UNC79: variants seen among roughly 807,000 people sequenced by gnomAD.
UNC79 encodes the protein unc-79 subunit of NALCN channel complex, also known as protein unc-79 homolog.
UNC79 carries 37 observed loss-of-function variants against 283.1 expected under a neutral mutation model. The ratio of observed to expected loss-of-function variants is 0.13; its 90% CI spans 0.10 to 0.17. The LOEUF is 0.17. Ranked by LOEUF, UNC79 falls within the 10% of genes least tolerant of loss-of-function variation. The probability of loss-of-function intolerance (pLI) is 1.00; values close to 1 mark genes in which losing one functional copy is unlikely to be tolerated. For synonymous variants in UNC79, 1,107 were observed against 1,200.2 expected, an observed-to-expected ratio of 0.92 and a Z score of 1.61; for missense variants, 2,272 against 3,211.1, an observed-to-expected ratio of 0.71 and a Z score of 7.07.
At chr14:93,555,332 A>C (rs543669884) in intron 14 of UNC79, among the ~76,000 whole-genome samples, 1 of 152,334 alleles carries the variant, frequency 6.6e-6, no homozygotes, top group African/African-American at 2.4e-5. Context: ...ACATATAAAT[A>C]CACAGACAGA....
At chr14:93,400,988 C>T (rs2055096740) in intron 1 of UNC79, among the ~76,000 whole-genome samples, 1 of 151,936 alleles carries the variant, frequency 6.6e-6, no homozygotes, top group African/African-American at 2.4e-5. Context: ...GAGAATGATA[C>T]CTTCATTATG....
exon 30 of UNC79, chr14:93,622,197 G>A (rs777617961): frequency 2.5e-6 from 4 of 1,614,144 alleles, no homozygotes; most frequent in Non-Finnish European, 2.5e-6. Flanking sequence ...ATGAACCAAG[G>A]CGATGACGGC....
intron 30 of UNC79, among the ~76,000 whole-genome samples, chr14:93,626,923 C>CTTGTAGTG: frequency 6.6e-6 from 1 of 152,118 alleles, no homozygotes; most frequent in South Asian, 2.1e-4. Context: ...GTGGCACACA[C>CTTGTAGTG]CTGTAGTCCC....
intron 26 of UNC79, among the ~76,000 whole-genome samples, chr14:93,611,712 G>A (rs1236185741): frequency 6.6e-6 from 1 of 152,084 alleles, no homozygotes; most frequent in Non-Finnish European, 1.5e-5. Context: ...GTTTATAATG[G>A]TTTGTAACCA....
rs139094325 is a variant in UNC79, at chr14:93,533,448, C to T, written c.1122+870C>T. Among the ~76,000 whole-genome samples the T allele has an allele frequency of 3.3e-5, 5 of 152,306 alleles. No homozygotes were observed. In the East Asian group the frequency reaches 9.6e-4, roughly 29 times the overall value. On this transcript the variant is annotated intron_variant, in intron 11 of 48. Coordinates refer to ENST00000555664, the Ensembl canonical transcript of UNC79. ...CTTTTGATAAATTACTCTAGGCTCA[C>T]TCATGTATTTGCAGTCAGTTGGTGG...
intron 45 of UNC79, chr14:93,691,510 T>G: frequency 1.7e-6 from 1 of 578,270 alleles, no homozygotes; most frequent in Non-Finnish European, 3.1e-6. Context: ...CTTCAGCAAA[T>G]TAAGGTGCCT....
At chr14:93,417,357 T>C (rs1015785276) in intron 1 of UNC79, among the ~76,000 whole-genome samples, 65 of 152,356 alleles carry the variant, frequency 4.3e-4, no homozygotes, top group Admixed American at 1.0e-3. Flanking sequence ...GCCCCAACTC[T>C]CTTCTGGCTT....
intron 1 of UNC79, among the ~76,000 whole-genome samples, chr14:93,375,440 A>G (rs1257413057): frequency 6.6e-6 from 1 of 152,230 alleles, no homozygotes; most frequent in Admixed American, 6.5e-5. Flanking sequence ...GTATGGATTA[A>G]TCCACCCATG....
At chr14:93,539,104 T>A (rs1156434269) in intron 12 of UNC79, among the ~76,000 whole-genome samples, 9 of 148,774 alleles carry the variant, frequency 6.0e-5, no homozygotes, top group Non-Finnish European at 1.2e-4. Flanking sequence ...GGTTTCACCA[T>A]GCTGGCCAGG....
intron 16 of UNC79, among the ~76,000 whole-genome samples, chr14:93,573,891 G>C (rs1423649370): frequency 6.6e-6 from 1 of 152,174 alleles, no homozygotes; most frequent in African/African-American, 2.4e-5. Context: ...TGTAGTCCCA[G>C]CTACTTGGGA....
At chr14:93,569,511 T>A (rs528527163) in intron 14 of UNC79, among the ~76,000 whole-genome samples, 2 of 152,314 alleles carry the variant, frequency 1.3e-5, no homozygotes, top group South Asian at 4.1e-4. Flanking sequence ...GGTAGAAGAT[T>A]TACATCTGAA....
chr14:93,564,768 T>TG (rs369517052), intron 14 of UNC79, among the ~76,000 whole-genome samples: 42,158 of 150,326 alleles, frequency 0.28, 7,278 homozygotes, highest in Non-Finnish European at 0.38. Flanking sequence ...CTGGCAGGGG[T>TG]GGGGGTCACA....
At chr14:93,577,870 G>A (rs775776907) in exon 18 of UNC79, 9 of 1,614,070 alleles carry the variant, frequency 5.6e-6, no homozygotes, top group African/African-American at 2.7e-5. Context: ...CCTGGCCGAC[G>A]AGTTCAGCAC....
chr14:93,631,720 A>C (rs1478589111), intron 31 of UNC79, among the ~76,000 whole-genome samples: 2 of 152,188 alleles, frequency 1.3e-5, no homozygotes, highest in African/African-American at 2.4e-5. Flanking sequence ...AAAACAGATA[A>C]AGATCTTAAA....
chr14:93,567,717 T>C lies in UNC79; in HGVS notation c.1756-4177T>C, dbSNP rs540029921. 2.0e-5 allele frequency among the ~76,000 whole-genome samples: 3 copies of C among 152,356 alleles called. No individual in the cohort carries two copies. In the East Asian group the frequency reaches 5.8e-4, roughly 29 times the overall value. Reference sequence around the variant, plus strand: ...TTTCTTTTATCAGTAGAATGACTACTTTCTTTTGTGAACCCCGAATATCTG... The same window carrying C: ...TTTCTTTTATCAGTAGAATGACTACCTTCTTTTGTGAACCCCGAATATCTG... On this transcript the variant is annotated intron_variant, in intron 14 of 48. Coordinates refer to ENST00000555664, the Ensembl canonical transcript of UNC79.
At chr14:93,495,419 C>A (rs768436889) in intron 5 of UNC79, among the ~76,000 whole-genome samples, 1 of 152,132 alleles carries the variant, frequency 6.6e-6, no homozygotes, top group Non-Finnish European at 1.5e-5. Context: ...ACTGCCCCCA[C>A]GATCCAATCA....
At chr14:93,586,475 C>A in intron 20 of UNC79, 121 bp from the exon 21 acceptor site, 1 of 823,612 alleles carries the variant, frequency 1.2e-6, no homozygotes, top group Non-Finnish European at 1.9e-6. Context: ...AAAGTTTTCT[C>A]AAACAATTTT....
At chr14:93,437,169 A>G (rs1400530497) in intron 1 of UNC79, among the ~76,000 whole-genome samples, 1 of 152,172 alleles carries the variant, frequency 6.6e-6, no homozygotes, top group East Asian at 1.9e-4. Context: ...GTAGAAATAG[A>G]TAATAACTCA....
chr14:93,368,959 G>A (rs2054390348), intron 1 of UNC79, among the ~76,000 whole-genome samples: 1 of 152,208 alleles, frequency 6.6e-6, no homozygotes, highest in Non-Finnish European at 1.5e-5. Flanking sequence ...ATTTATGGGT[G>A]CTTGGATGAG....
Sources: allele counts gnomAD v4.1 joint callset (sites outside exome capture counted in the v4.1 genomes callset), GRCh38; gene constraint gnomAD v4.1.1; transcripts MANE v1.5; gene names NCBI Gene and HGNC (gene_info 2026-07-23, HGNC 2026-07-21).